SMCHD1: variants seen among roughly 807,000 people sequenced by gnomAD.
The protein encoded by SMCHD1 is structural maintenance of chromosomes flexible hinge domain containing 1.
A neutral mutation model predicts 254.7 loss-of-function variants in SMCHD1; 78 were observed. The ratio of observed to expected loss-of-function variants is 0.31; its 90% CI spans 0.26 to 0.37. The LOEUF is 0.37. SMCHD1 is among the 10% of genes least tolerant of loss of function. The probability of loss-of-function intolerance (pLI) is 1.00; values close to 1 mark genes in which losing one functional copy is unlikely to be tolerated. For missense variants in SMCHD1, 1,840 were observed against 2,408.1 expected, an observed-to-expected ratio of 0.76 and a Z score of 4.94; for synonymous variants, 766 against 794.9, an observed-to-expected ratio of 0.96 and a Z score of 0.61.
intron 45 of SMCHD1, among the ~76,000 whole-genome samples, chr18:2,794,498 C>T (rs1184706841): frequency 4.0e-5 from 6 of 151,868 alleles, no homozygotes; most frequent in Admixed American, 6.6e-5. Flanking sequence ...AGAGTGAGAC[C>T]GTATCTCAAA....
intron 17 of SMCHD1, among the ~76,000 whole-genome samples, chr18:2,711,519 G>T (rs2074671036): frequency 8.4e-6 from 1 of 118,796 alleles, no homozygotes; most frequent in African/African-American, 3.3e-5. Context: ...GTCTCGCTCT[G>T]TCGCCCAGGC....
At position 2,688,761 on chromosome 18, in the gene SMCHD1, T is replaced by A; in HGVS notation, c.873+14T>A. 8.0e-7 allele frequency: 1 copy of A among 1,251,888 alleles called. No individual in the cohort carries two copies. Among genetic ancestry groups the A allele is most frequent in the Non-Finnish European group, 1.1e-6 (1 of 901,334 alleles). 77.5% of individuals were successfully genotyped at this position (1,251,888 alleles called of 1,614,324 possible). A position where few individuals can be genotyped will look rare whatever the true frequency, so the allele number is the denominator to read the frequency against. On this transcript the variant is annotated intron_variant, in intron 7 of 47. Coordinates refer to ENST00000320876, the MANE Select transcript of SMCHD1 (RefSeq NM_015295.3). The stretch of plus-strand genomic sequence containing the variant: ...AGAAACAGAAAGGTACAATACATTT[T>A]AACTCATAATTATAAATTTACTCCT...
intron 42 of SMCHD1, 139 bp downstream of exon 42, chr18:2,776,063 C>A: frequency 1.3e-6 from 1 of 752,696 alleles, no homozygotes; most frequent in Non-Finnish European, 2.0e-6. Context: ...TTTTTGTCTT[C>A]ATCACAAATG....
chr18:2,687,316 T>G (rs2074074796), intron 5 of SMCHD1, among the ~76,000 whole-genome samples: 1 of 152,238 alleles, frequency 6.6e-6, no homozygotes, highest in African/African-American at 2.4e-5. Context: ...AGAACAAGTC[T>G]TCTGGTGGTA....
At chr18:2,660,319 T>C (rs1250625579) in intron 1 of SMCHD1, among the ~76,000 whole-genome samples, 2 of 151,874 alleles carry the variant, frequency 1.3e-5, no homozygotes, top group African/African-American at 4.8e-5. Flanking sequence ...AGCGAGACTC[T>C]TGTCTCAAAA....
chr18:2,670,616 T>G (rs1193877109), intron 3 of SMCHD1, among the ~76,000 whole-genome samples: 2 of 152,148 alleles, frequency 1.3e-5, no homozygotes, highest in Non-Finnish European at 2.9e-5. Context: ...ATTTTAAAAT[T>G]GAGTGAATCT....
chr18:2,795,624 T>C (rs1444830696), intron 45 of SMCHD1, among the ~76,000 whole-genome samples: 7 of 152,220 alleles, frequency 4.6e-5, no homozygotes, highest in African/African-American at 1.7e-4. Flanking sequence ...CATGGAATTA[T>C]ATTGAATACT....
Position 2,732,463 on chromosome 18 carries a change from A to G in SMCHD1, c.3247A>G (p.Ile1083Val), listed in dbSNP as rs199901577. Residue 1083 changes from isoleucine to valine, a missense_variant, in exon 25 of 48, where the codon ATA becomes GTA. Physicochemically the swap from Ile to Val is conservative, Grantham distance 29. This residue lies in a region of SMCHD1 where 881 missense variants were observed against 1,009.5 expected (regional missense o/e 0.87). Coordinates refer to ENST00000320876, the MANE Select transcript of SMCHD1 (RefSeq NM_015295.3). ...TGATGAAGGAGAAAGAGAAATCAATATAACATCAGCTTTAGCAGAAAAAAT... is the reference window on the plus strand; with the variant it reads ...TGATGAAGGAGAAAGAGAAATCAATGTAACATCAGCTTTAGCAGAAAAAAT... ...MYDEGEREIN[I>V]TSALAEKIKV... The G allele has an allele frequency of 1.1e-4, 179 of 1,607,706 alleles. No individual in the cohort carries two copies. Among genetic ancestry groups the G allele is most frequent in the Non-Finnish European group, 1.5e-4 (174 of 1,176,356 alleles).
At chr18:2,656,529 G>T (rs909026968) in intron 1 of SMCHD1, among the ~76,000 whole-genome samples, 3 of 152,246 alleles carry the variant, frequency 2.0e-5, no homozygotes, top group African/African-American at 7.2e-5. Flanking sequence ...TTGCCGGCCC[G>T]GGTGGAGAGC....
chr18:2,679,746 A>G (rs2073882543), intron 5 of SMCHD1, among the ~76,000 whole-genome samples: 1 of 152,000 alleles, frequency 6.6e-6, no homozygotes, highest in Non-Finnish European at 1.5e-5. Flanking sequence ...AGCTTCTCGG[A>G]TATATAGAAT....
rs769566825 is a variant in SMCHD1, at chr18:2,724,970, G to T, written c.2675G>T (p.Gly892Val). The T allele has an allele frequency of 2.5e-6, 4 of 1,585,828 alleles. No individual in the cohort carries two copies. The highest frequency in any genetic ancestry group is 1.7e-5 in the Admixed American group (1 of 57,948). ...GTAATTCGAGGTGTTACAGCCAAGG[G>T]CCCTGTAAACTCTTGTCAAGGCAAG... The part of the protein sequence containing the change: ...NCVIRGVTAK[G>V]PVNSCQGKNY... Residue 892 changes from glycine to valine, a missense_variant, in exon 21 of 48, where the codon GGC becomes GTC. This residue lies in a region of SMCHD1 where 881 missense variants were observed against 1,009.5 expected (regional missense o/e 0.87). Coordinates refer to ENST00000320876, the MANE Select transcript of SMCHD1 (RefSeq NM_015295.3).
intron 15 of SMCHD1, 168 bp from the exon 16 acceptor site, chr18:2,707,395 G>C (rs1297182430): frequency 2.5e-6 from 1 of 397,836 alleles, no homozygotes; most frequent in African/African-American, 2.1e-5. Context: ...CCACAGGAAT[G>C]GTTAGGGAGG....
chr18:2,718,376 T>C lies in SMCHD1; in HGVS notation c.2400T>C (p.Asn800=). Residue 800 remains asparagine (N), a synonymous_variant, in exon 19 of 48, where the codon AAT becomes AAC. Coordinates refer to ENST00000320876, the MANE Select transcript of SMCHD1 (RefSeq NM_015295.3). The surrounding 1 kb of genome is among the most constrained non-coding windows in gnomAD (Gnocchi z 4.6). ...TACAAGTTGTGTTGAATGAAAGTAA[T>C]GCAGACACTTATGCAGGAAGACCAC... ...LKLQVVLNES[N]ADTYAGRPLP... 1.2e-6 allele frequency: 2 copies of C among 1,612,812 alleles called. No homozygotes were observed. Among genetic ancestry groups the C allele is most frequent in the East Asian group, 2.2e-5 (1 of 44,772 alleles).
rs748686556 is a variant in SMCHD1 at position 2,694,580 on chromosome 18, T to C, written c.927T>C (p.Leu309=). 4.4e-6 allele frequency: 7 copies of C among 1,609,148 alleles called. 1 individual carries two copies. In the South Asian group the frequency reaches 7.7e-5, roughly 18 times the overall value. The change falls in exon 8 of 48, where the codon CTT becomes CTC. Residue 309 remains leucine, a synonymous_variant. Transcript: ENST00000320876. Reference sequence around the variant, plus strand: ...ATGATGAAAGATTTCTACATCATCTTATCATAGAGGAGAAGGAAAAAGATA... The same window carrying C: ...ATGATGAAAGATTTCTACATCATCTCATCATAGAGGAGAAGGAAAAAGATA... ...TNDDERFLHH[L]IIEEKEKDSF...
chr18:2,796,976 TG>T (rs2076275793), intron 47 of SMCHD1: 1 of 145,428 alleles, frequency 6.9e-6, no homozygotes. Context: ...AAAGTAATAA[TG>T]AAGATAAAAC....
At chr18:2,694,301 T>C (rs925034467) in intron 7 of SMCHD1, among the ~76,000 whole-genome samples, 2 of 152,232 alleles carry the variant, frequency 1.3e-5, no homozygotes, top group African/African-American at 4.8e-5. Flanking sequence ...TAAGATAGGG[T>C]GCTCTTTATG....
Position 2,732,164 on chromosome 18 carries a change from A to G in SMCHD1, c.3049-101A>G, listed in dbSNP as rs576932729. The G allele has an allele frequency of 4.7e-4, 388 of 817,540 alleles. 1 individual carries two copies. The Admixed American group carries it at 5.0e-3, about 10-fold the overall frequency. The allele number at this position is 817,540 out of a possible 1,614,324, so 50.6% of individuals were successfully genotyped here. ...AATGACAAAACCTGTGAGTATAACA[A>G]TGTATGAGATGGTCTTCCATAATAT... On this transcript the variant is annotated intron_variant, in intron 24 of 47. Transcript: ENST00000320876.
chr18:2,686,504 T>C (rs78024284), intron 5 of SMCHD1, among the ~76,000 whole-genome samples: 40 of 152,372 alleles, frequency 2.6e-4, no homozygotes, highest in Non-Finnish European at 5.1e-4. Flanking sequence ...GTCAGTCTTA[T>C]CTTTGTATCT....
chr18:2,784,792 T>C (rs779976812), intron 45 of SMCHD1, 171 bp downstream of exon 45: 1 of 710,406 alleles, frequency 1.4e-6, no homozygotes, highest in Non-Finnish European at 2.5e-6. Flanking sequence ...TCAGGTAGTT[T>C]AGAGTTATGT....
Sources: gnomAD v4.1 joint callset for allele counts (sites outside exome capture counted in the v4.1 genomes callset) on GRCh38, gnomAD v4.1.1 for gene constraint, gnomAD v4.1.1 regional missense constraint, Gnocchi (gnomAD v3.1) non-coding constraint, MANE v1.5 for transcripts, NCBI Gene and HGNC (gene_info 2026-07-23, HGNC 2026-07-21) for gene names.